The following KIF23 variants were observed in gnomAD, a reference collection of about 807,000 sequenced individuals.
The protein encoded by KIF23 is kinesin-like protein KIF23.
KIF23 carries 30 observed loss-of-function variants against 137.5 expected under a neutral mutation model. That is an observed-to-expected ratio of 0.22 (90% CI 0.16 to 0.30). KIF23 has a LOEUF of 0.30. KIF23 is among the 10% of genes least tolerant of loss of function. The pLI, the probability that KIF23 is intolerant of heterozygous loss-of-function variation, is 1.00. For synonymous variants in KIF23, 367 were observed against 391.1 expected, an observed-to-expected ratio of 0.94 and a Z score of 0.73; for missense variants, 920 against 1,194.3, an observed-to-expected ratio of 0.77 and a Z score of 3.38.
At chr15:69,441,155 AGTTCATTGG>A in intron 19 of KIF23, 76 bp downstream of exon 19, 2 of 1,298,934 alleles carry the variant, frequency 1.5e-6, no homozygotes, top group Admixed American at 2.6e-5. Flanking sequence ...TGTGTCTGAA[AGTTCATTGG>A]AAAAATGGTT....
chr15:69,425,981 C>T, intron 8 of KIF23, 89 bp from the exon 9 acceptor site: 1 of 418,420 alleles, frequency 2.4e-6, no homozygotes, highest in Non-Finnish European at 4.1e-6. Context: ...AATAACATGT[C>T]ATGTCACTTG....
At chr15:69,429,314 T>G in intron 11 of KIF23, 101 bp downstream of exon 11, 4 of 781,298 alleles carry the variant, frequency 5.1e-6, no homozygotes, top group Non-Finnish European at 8.3e-6. Flanking sequence ...TTTTTTAATT[T>G]TTATTTTATT....
intron 11 of KIF23, among the ~76,000 whole-genome samples, chr15:69,431,185 A>G (rs1258149160): frequency 6.6e-6 from 1 of 152,218 alleles, no homozygotes; most frequent in Non-Finnish European, 1.5e-5. Context: ...AGGAGCAGGT[A>G]TAGGCAGGTA....
At chr15:69,414,526 CCTCGGGGCTGGGGG>C (rs1442845298) in intron 1 of KIF23, 50 bp downstream of exon 1, 1 of 1,492,076 alleles carries the variant, frequency 6.7e-7, no homozygotes, top group South Asian at 1.2e-5. Flanking sequence ...GGGGCCGAGG[CCTCGGGGCTGGGGG>C]CAGGCGTCTC....
In KIF23 at chr15:69,426,154, T is replaced by C. The variant is rs773643408; in HGVS notation, c.861T>C (p.Thr287=). Residue 287 remains threonine (T), a synonymous_variant, in exon 9 of 24, where the codon ACT becomes ACC. Transcript: ENST00000679126. ...AGCTEVEVKS[T]EEAFEVFWRG... is the part of the protein sequence containing the mutation. ...GTACAGAAGTTGAAGTGAAATCTACTGAGGAGGCTTTTGAAGTTTTCTGGA... is the reference window on the plus strand; with the variant it reads ...GTACAGAAGTTGAAGTGAAATCTACCGAGGAGGCTTTTGAAGTTTTCTGGA... The C allele has an allele frequency of 2.1e-5, 33 of 1,608,622 alleles. No homozygotes were observed. Among genetic ancestry groups the C allele is most frequent in the Non-Finnish European group, 2.8e-5 (33 of 1,178,838 alleles).
chr15:69,438,645 A>G (rs1443770135), intron 16 of KIF23, among the ~76,000 whole-genome samples: 1 of 152,186 alleles, frequency 6.6e-6, no homozygotes, highest in Non-Finnish European at 1.5e-5. Context: ...CTAAAAAAGT[A>G]CAAAAGTTAG....
chr15:69,419,332 C>T (rs369050290), intron 3 of KIF23, among the ~76,000 whole-genome samples: 16 of 152,138 alleles, frequency 1.1e-4, no homozygotes, highest in African/African-American at 3.4e-4. Flanking sequence ...ATCTCATTTT[C>T]CTGTTCAAAA....
intron 6 of KIF23, chr15:69,422,812 T>A (rs1300791755): frequency 3.8e-6 from 1 of 260,184 alleles, no homozygotes; most frequent in African/African-American, 2.3e-5. Flanking sequence ...TACTTTTTTT[T>A]TTTTTTGAGA....
chr15:69,437,754 T>G lies in KIF23; in HGVS notation c.1598-494T>G, dbSNP rs1039330883. On this transcript the variant is annotated intron_variant, in intron 15 of 23. Coordinates refer to ENST00000679126, the MANE Select transcript of KIF23 (RefSeq NM_001367805.3). ...GATTACAGACGTGAGCCACCATGCC[T>G]GGCTCTACTATTTTTATTATCATTA... Among the ~76,000 whole-genome samples the G allele has an allele frequency of 4.6e-5, 7 of 151,902 alleles. 1 individual carries two copies. The highest frequency in any genetic ancestry group is 1.0e-4 in the Non-Finnish European group (7 of 67,856).
Position 69,436,222 on chromosome 15 carries a change from A to G in KIF23, c.1399A>G (p.Arg467Gly), listed in dbSNP as rs768000008. The change falls in exon 14 of 24, where the codon AGG becomes GGG. Residue 467 changes from arginine (R) to glycine (G), a missense_variant. Coordinates refer to ENST00000679126, the MANE Select transcript of KIF23 (RefSeq NM_001367805.3). ...GGCAATATGTGGTTTAACGCCTGGG[A>G]GGAGATACAGAAACCAGCCTCGAGG... ...DKAICGLTPG[R>G]RYRNQPRGPV... 1 of 1,614,010 alleles carries G rather than the reference A, an allele frequency of 6.2e-7. No individual in the cohort carries two copies. The highest frequency in any genetic ancestry group is 1.1e-5 in the South Asian group (1 of 91,052).
intron 14 of KIF23, 41 bp from the exon 15 acceptor site, chr15:69,436,519 TTCTC>T (rs1194731938): frequency 1.9e-5 from 29 of 1,521,582 alleles, no homozygotes; most frequent in Non-Finnish European, 2.5e-5. Flanking sequence ...AATAAGCTCT[TTCTC>T]TCCTATGTAA....
At chr15:69,425,454 T>G in intron 8 of KIF23, 131 bp downstream of exon 8, 1 of 751,724 alleles carries the variant, frequency 1.3e-6, no homozygotes, top group Non-Finnish European at 2.2e-6. Flanking sequence ...AAGCCCTCCT[T>G]GCTTCCTGAA....
In KIF23 at chr15:69,446,996, T is replaced by G. The variant is rs1596031625; in HGVS notation, c.2909+55T>G. On this transcript the variant is annotated intron_variant, in intron 23 of 23. Transcript: ENST00000679126. ...TGTGTGCTTTTTTCCTCCTCTGGTC[T>G]TTACATTATCACTCCTTCTACCAGC... The G allele has an allele frequency of 3.5e-6, 5 of 1,412,010 alleles. No homozygotes were observed. In the East Asian group the frequency reaches 9.1e-5, roughly 26 times the overall value. 87.5% of individuals were successfully genotyped at this position (1,412,010 alleles called of 1,614,324 possible). A position where few individuals can be genotyped will look rare whatever the true frequency, so the allele number is the denominator to read the frequency against.
At chr15:69,442,369 T>C (rs2057642019) in intron 19 of KIF23, among the ~76,000 whole-genome samples, 2 of 152,266 alleles carry the variant, frequency 1.3e-5, no homozygotes, top group Non-Finnish European at 1.5e-5. Context: ...TGAATCTGAA[T>C]AAATGGACCA....
At chr15:69,416,752 C>G (rs1280838806) in intron 2 of KIF23, among the ~76,000 whole-genome samples, 2 of 151,982 alleles carry the variant, frequency 1.3e-5, no homozygotes, top group African/African-American at 4.8e-5. Flanking sequence ...GTCAGGAGTT[C>G]GAGACCAGCC....
At chr15:69,426,578 C>T in intron 10 of KIF23, 121 bp downstream of exon 10, 2 of 979,154 alleles carry the variant, frequency 2.0e-6, no homozygotes, top group Non-Finnish European at 3.1e-6. Flanking sequence ...ATCAGCCAGG[C>T]ATGGTGATGC....
intron 3 of KIF23, 34 bp downstream of exon 3, chr15:69,417,545 A>C (rs1386715571): frequency 6.3e-7 from 1 of 1,593,328 alleles, no homozygotes; most frequent in African/African-American, 1.4e-5. Context: ...GTTTTTACTC[A>C]ATATGTTGTT....
At chr15:69,420,792 T>G (rs544207010) in intron 3 of KIF23, among the ~76,000 whole-genome samples, 2 of 152,212 alleles carry the variant, frequency 1.3e-5, no homozygotes, top group South Asian at 4.1e-4. Context: ...TTTTGTTGTT[T>G]TTACTTTTAA....
In KIF23 at chr15:69,423,223, G is replaced by A. The variant is rs1421852816; in HGVS notation, c.628G>A (p.Val210Ile). 3 of 1,599,786 alleles carry A rather than the reference G, an allele frequency of 1.9e-6. No homozygotes were observed. The highest frequency in any genetic ancestry group is 1.3e-5 in the African/African-American group (1 of 74,568). The change falls in exon 7 of 24, where the codon GTT becomes ATT. Residue 210 changes from valine (V) to isoleucine (I), a missense_variant. Physicochemically the swap from Val to Ile is conservative, Grantham distance 29. Transcript: ENST00000679126. ...TVQEFCKAEE[V>I]DEDSVYGVFV... ...ACAAGAATTCTGCAAAGCAGAAGAG[G>A]TTGATGAAGATAGTGTCTATGGTGT... is the stretch of plus-strand genomic sequence containing the variant.
Sources: gnomAD v4.1 joint callset for allele counts (sites outside exome capture counted in the v4.1 genomes callset) on GRCh38, gnomAD v4.1.1 for gene constraint, MANE v1.5 for transcripts, NCBI Gene and HGNC (gene_info 2026-07-23, HGNC 2026-07-21) for gene names.